ZGPAT: variants seen among roughly 807,000 people sequenced by gnomAD.
The protein encoded by ZGPAT is zinc finger CCCH-type with G patch domain-containing protein.
Under a neutral mutation model 47.9 loss-of-function variants are expected in ZGPAT, and 39 were observed. The observed-to-expected ratio is 0.81, with a 90% CI of 0.63 to 1.06. ZGPAT has a LOEUF of 1.06. ZGPAT is among the 50% of genes least tolerant of loss of function. The probability of loss-of-function intolerance (pLI) is 0.00; values close to 1 mark genes in which losing one functional copy is unlikely to be tolerated. For missense variants in ZGPAT, 717 were observed against 681.4 expected (o/e 1.05, Z -0.58); for synonymous variants, 348 against 292.9 (o/e 1.19, Z -1.92).
intron 2 of ZGPAT, among the ~76,000 whole-genome samples, chr20:63,714,510 T>C (rs2091706006): frequency 6.6e-6 from 1 of 151,946 alleles, no homozygotes. Context: ...TTGTTCCTGA[T>C]ATTAGGTGGA....
At chr20:63,731,116 C>T (rs915867792) in intron 2 of ZGPAT, among the ~76,000 whole-genome samples, 7 of 152,196 alleles carry the variant, frequency 4.6e-5, no homozygotes, top group Non-Finnish European at 1.0e-4. Context: ...CCCAGCACAT[C>T]TGCCTTGATG....
chr20:63,735,719 C>G lies in ZGPAT; in HGVS notation c.1398-62C>G, dbSNP rs796446334. 2.3e-5 allele frequency: 35 copies of G among 1,551,702 alleles called. No homozygotes were observed. In the African/African-American group the frequency reaches 4.4e-4, roughly 19 times the overall value. The stretch of plus-strand genomic sequence containing the variant: ...GCAGCGGGCACACAGGCAGTGGGTA[C>G]GGCAGACTGGGGTTGGTGGCATGGC... On this transcript the variant is annotated intron_variant, in intron 6 of 6. Coordinates refer to ENST00000355969, the MANE Select transcript of ZGPAT (RefSeq NM_181485.3).
At chr20:63,712,774 T>A (rs2091683274) in intron 2 of ZGPAT, among the ~76,000 whole-genome samples, 1 of 152,076 alleles carries the variant, frequency 6.6e-6, no homozygotes, top group African/African-American at 2.4e-5. Flanking sequence ...TGCACACCTG[T>A]AATCCCAGCT....
intron 2 of ZGPAT, among the ~76,000 whole-genome samples, chr20:63,725,277 C>T (rs1309077077): frequency 1.3e-5 from 2 of 152,204 alleles, no homozygotes; most frequent in East Asian, 3.8e-4. Context: ...AGCCACCGCG[C>T]CCGGCTAGAA....
chr20:63,732,114 A>T (rs1480947410), intron 2 of ZGPAT, among the ~76,000 whole-genome samples: 16 of 146,390 alleles, frequency 1.1e-4, no homozygotes, highest in Non-Finnish European at 1.5e-5. Context: ...TGCATATATG[A>T]GTGAGTGCAC....
chr20:63,726,992 C>A (rs145300074), intron 2 of ZGPAT, among the ~76,000 whole-genome samples: 2 of 152,276 alleles, frequency 1.3e-5, no homozygotes, highest in East Asian at 3.9e-4. Flanking sequence ...TAAACCTACA[C>A]AGACCCATCA....
intron 2 of ZGPAT, among the ~76,000 whole-genome samples, chr20:63,722,978 T>C (rs2091803700): frequency 6.6e-6 from 1 of 152,174 alleles, no homozygotes; most frequent in Non-Finnish European, 1.5e-5. Flanking sequence ...CGTTGTACTA[T>C]GACATAGTTC....
At chr20:63,717,114 G>A (rs1425312817) in intron 2 of ZGPAT, among the ~76,000 whole-genome samples, 1 of 152,170 alleles carries the variant, frequency 6.6e-6, no homozygotes, top group Non-Finnish European at 1.5e-5. Context: ...ACCACGCATG[G>A]CCTGTCTTTT....
chr20:63,729,344 C>T (rs935154693), intron 2 of ZGPAT, among the ~76,000 whole-genome samples: 1 of 152,154 alleles, frequency 6.6e-6, no homozygotes, highest in Non-Finnish European at 1.5e-5. Flanking sequence ...TTCGATTCAA[C>T]GACCTCTCTA....
Position 63,708,665 on chromosome 20 carries a change from G to C in ZGPAT, c.85G>C (p.Asp29His), listed in dbSNP as rs1337225910. The C allele has an allele frequency of 6.2e-7, 1 of 1,612,688 alleles. No individual in the cohort carries two copies. Among genetic ancestry groups the C allele is most frequent in the Admixed American group, 1.7e-5 (1 of 60,024 alleles). The part of the protein sequence containing the change: ...QVELALGAGL[D>H]SSEQADLRQL... ...GGAGCTGGCCTTGGGCGCCGGCCTG[G>C]ATTCGTCTGAGCAGGCTGACCTGCG... Residue 29 changes from aspartate (D) to histidine (H), a missense_variant, in exon 2 of 7, where the codon GAT (aspartate) becomes CAT (histidine). Coordinates refer to ENST00000355969, the MANE Select transcript of ZGPAT (RefSeq NM_181485.3).
At chr20:63,720,383 G>A (rs1049590803) in intron 2 of ZGPAT, among the ~76,000 whole-genome samples, 4 of 151,624 alleles carry the variant, frequency 2.6e-5, no homozygotes, top group African/African-American at 9.7e-5. Flanking sequence ...TCTCGATCTC[G>A]TGACCTCATG....
chr20:63,711,029 T>C (rs1055763064), intron 2 of ZGPAT, among the ~76,000 whole-genome samples: 2 of 85,202 alleles, frequency 2.3e-5, no homozygotes, highest in Non-Finnish European at 5.5e-5. Flanking sequence ...AATGTCTTCC[T>C]TTTTTTTTTT....
At chr20:63,734,557 A>C (rs952837482) in intron 4 of ZGPAT, 148 bp from the exon 5 acceptor site, 20 of 1,473,178 alleles carry the variant, frequency 1.4e-5, no homozygotes, top group Non-Finnish European at 1.8e-5. Context: ...GGCTCTGCCC[A>C]GGATCTGAGC....
At chr20:63,708,257 G>A in intron 1 of ZGPAT, 139 bp downstream of exon 1, 1 of 171,656 alleles carries the variant, frequency 5.8e-6, no homozygotes, top group Non-Finnish European at 1.2e-5. Context: ...GGCGCGGCCG[G>A]CCTGGAAGGC....
intron 2 of ZGPAT, among the ~76,000 whole-genome samples, chr20:63,724,673 A>ATTTTTTT (rs34414685): frequency 7.3e-6 from 1 of 137,446 alleles, no homozygotes; most frequent in Admixed American, 7.4e-5. Context: ...TTCATTTAGA[A>ATTTTTTT]TTTTTTTTTT....
Position 63,732,775 on chromosome 20 carries a change from CGTGT to C in ZGPAT, c.585-439_585-436del, listed in dbSNP as rs547224251. ...GTATGCCTGTGTACGTATGTATATG[CGTGT>C]GTGTATGCATGTGAGTGCATGTTTA... On this transcript the variant is annotated intron_variant, in intron 2 of 6. Transcript: ENST00000355969. Among the ~76,000 whole-genome samples the C allele has an allele frequency of 2.3e-4, 34 of 146,972 alleles. 1 individual carries two copies. Among genetic ancestry groups the C allele is most frequent in the Admixed American group, 2.1e-3 (32 of 14,954 alleles).
At chr20:63,710,002 A>G (rs945274332) in intron 2 of ZGPAT, among the ~76,000 whole-genome samples, 1 of 151,940 alleles carries the variant, frequency 6.6e-6, no homozygotes, top group African/African-American at 2.4e-5. Flanking sequence ...CTGGGACTAC[A>G]GGCGCCCGCC....
chr20:63,735,980 C>A lies in ZGPAT; in HGVS notation c.*61C>A. On this transcript the variant is annotated 3_prime_UTR_variant, in exon 7 of 7. Transcript: ENST00000355969. Reference sequence around the variant, plus strand: ...CCAGCACGGGCTGCCCTCAGGAAGACCAGTGTTGCCCGAGGAGGGGCCGGC... The same window carrying A: ...CCAGCACGGGCTGCCCTCAGGAAGAACAGTGTTGCCCGAGGAGGGGCCGGC... 1 of 1,563,552 alleles carries A rather than the reference C, an allele frequency of 6.4e-7. No individual in the cohort carries two copies. The highest frequency in any genetic ancestry group is 1.2e-5 in the South Asian group (1 of 83,670).
intron 2 of ZGPAT, among the ~76,000 whole-genome samples, chr20:63,723,488 C>T (rs2091811229): frequency 7.1e-6 from 1 of 141,050 alleles, no homozygotes; most frequent in East Asian, 2.1e-4. Flanking sequence ...TAGCTCCATC[C>T]TCCCTTCTCC....
Sources: allele counts gnomAD v4.1 joint callset (sites outside exome capture counted in the v4.1 genomes callset), GRCh38; gene constraint gnomAD v4.1.1; transcripts MANE v1.5; gene names NCBI Gene and HGNC (gene_info 2026-07-23, HGNC 2026-07-21).